Variants in PTPN13 observed in about 807,000 individuals in gnomAD.
PTPN13 encodes tyrosine-protein phosphatase non-receptor type 13.
PTPN13 carries 191 observed loss-of-function variants against 284.0 expected under a neutral mutation model. The observed-to-expected ratio is 0.67, with a 90% confidence interval of 0.60 to 0.76. The LOEUF is 0.76. Ranked by LOEUF, PTPN13 falls within the 30% of genes least tolerant of loss-of-function variation. PTPN13 has a pLI of 0.00. For missense variants in PTPN13, 2,797 were observed against 2,939.9 expected, an observed-to-expected ratio of 0.95 and a Z score of 1.12; for synonymous variants, 986 against 1,022.3, an observed-to-expected ratio of 0.96 and a Z score of 0.68.
chr4:86,754,920 C>T (rs1737798802), intron 20 of PTPN13, among the ~76,000 whole-genome samples: 1 of 151,990 alleles, frequency 6.6e-6, no homozygotes, highest in Non-Finnish European at 1.5e-5. Context: ...GCTATATTTT[C>T]TTCAAAACGC....
intron 37 of PTPN13, among the ~76,000 whole-genome samples, chr4:86,783,281 G>T (rs1307182637): frequency 2.6e-5 from 4 of 152,296 alleles, no homozygotes; most frequent in Middle Eastern, 3.4e-3. Context: ...TTATTTGTAT[G>T]TGTTGAAATT....
At chr4:86,708,650 A>G (rs1175719337) in intron 7 of PTPN13, among the ~76,000 whole-genome samples, 3 of 152,146 alleles carry the variant, frequency 2.0e-5, no homozygotes, top group African/African-American at 4.8e-5. Context: ...TCTTACTAAC[A>G]ATAGGTATCA....
intron 1 of PTPN13, among the ~76,000 whole-genome samples, chr4:86,601,298 C>T (rs74776907): frequency 1.9e-4 from 29 of 152,020 alleles, no homozygotes; most frequent in Admixed American, 3.3e-4. Context: ...TGTAGCTATA[C>T]CATTTACTTG....
chr4:86,673,738 C>T (rs777564837), intron 3 of PTPN13, among the ~76,000 whole-genome samples: 12 of 152,188 alleles, frequency 7.9e-5, no homozygotes, highest in South Asian at 2.1e-4. Context: ...GACGGAGTCT[C>T]GTTTCTTTGC....
In PTPN13 at chr4:86,752,955, A is replaced by C; in HGVS notation, c.3167-54A>C. The stretch of plus-strand genomic sequence containing the variant: ...GAGCTTATCAGAAGAAATCACTTCG[A>C]TATCTAGCATCTGACCATCTTATGA... On this transcript the variant is annotated intron_variant, in intron 19 of 47. Transcript: ENST00000411767. 2.3e-6 allele frequency: 3 copies of C among 1,300,178 alleles called. No homozygotes were observed. The Middle Eastern group carries it at 5.7e-4, about 245-fold the overall frequency. The allele number at this position is 1,300,178 out of a possible 1,614,324, so 80.5% of individuals were successfully genotyped here.
chr4:86,680,633 T>A (rs1728801632), intron 3 of PTPN13, among the ~76,000 whole-genome samples: 2 of 152,162 alleles, frequency 1.3e-5, no homozygotes, highest in African/African-American at 4.8e-5. Context: ...TTAATACCCC[T>A]GATCATGAGG....
chr4:86,753,040 AT>A lies in PTPN13; in HGVS notation c.3199del (p.Ser1067ProfsTer5). The A allele has an allele frequency of 1.2e-6, 2 of 1,608,516 alleles. No homozygotes were observed. Among genetic ancestry groups the A allele is most frequent in the Non-Finnish European group, 1.7e-6 (2 of 1,176,040 alleles). On this transcript the variant is annotated frameshift_variant, in exon 20 of 48. Coordinates refer to ENST00000411767, the MANE Select transcript of PTPN13 (RefSeq NM_080683.3). LOFTEE classifies it high-confidence loss of function. ...MTMHSSGNSSSQVPLKENDVL... is the reference protein window; with the variant it reads ...MTMHSSGNSSXQVPLKENDVL... The stretch of plus-strand genomic sequence containing the variant: ...CTATGCATAGTTCTGGAAACTCTTC[AT>A]CCCAAGTACCCTTAAAAGAAAATGG...
intron 14 of PTPN13, 139 bp downstream of exon 14, chr4:86,735,014 A>C (rs1735345235): frequency 2.2e-6 from 2 of 923,172 alleles, no homozygotes; most frequent in Non-Finnish European, 3.2e-6. Context: ...CAGAATGACC[A>C]AGCACTCCAT....
intron 1 of PTPN13, among the ~76,000 whole-genome samples, chr4:86,596,366 G>A (rs569812377): frequency 4.6e-5 from 7 of 152,290 alleles, no homozygotes; most frequent in African/African-American, 1.7e-4. Flanking sequence ...GTGATTACCA[G>A]CATCCAAAAA....
At chr4:86,614,439 A>C (rs1285621436) in intron 1 of PTPN13, among the ~76,000 whole-genome samples, 1 of 152,130 alleles carries the variant, frequency 6.6e-6, no homozygotes, top group Non-Finnish European at 1.5e-5. Flanking sequence ...TTTTTTTACT[A>C]TAAAAAATTT....
At chr4:86,773,781 G>C (rs1448573253) in intron 32 of PTPN13, among the ~76,000 whole-genome samples, 1 of 151,748 alleles carries the variant, frequency 6.6e-6, no homozygotes, top group Non-Finnish European at 1.5e-5. Flanking sequence ...CTTAGCAATA[G>C]AGTAAAAATA....
rs1209704904 is a variant in PTPN13 at position 86,769,763 on chromosome 4, C to A, written c.4490-6C>A. ...ATCTAAATTTTTTTTATATCTTTTT[C>A]TCCAGAAAATACATTTGAGGTAAAA... is the stretch of plus-strand genomic sequence containing the variant. On this transcript the variant is annotated splice_polypyrimidine_tract_variant and splice_region_variant and intron_variant, in intron 28 of 47. Coordinates refer to ENST00000411767, the MANE Select transcript of PTPN13 (RefSeq NM_080683.3). 6.4e-7 allele frequency: 1 copy of A among 1,555,822 alleles called. No individual in the cohort carries two copies.
intron 10 of PTPN13, among the ~76,000 whole-genome samples, chr4:86,728,642 CCTTTTTTTTT>C (rs1193688850): frequency 2.1e-4 from 12 of 56,164 alleles, no homozygotes; most frequent in Middle Eastern, 0.013. Context: ...GCAACCCCTG[CCTTTTTTTTT>C]TTTTTTTTTT....
intron 1 of PTPN13, among the ~76,000 whole-genome samples, chr4:86,619,657 G>A (rs1291644748): frequency 6.6e-6 from 1 of 152,108 alleles, no homozygotes; most frequent in African/African-American, 2.4e-5. Context: ...TTTGGCTTAA[G>A]GTAGAGCTTT....
intron 7 of PTPN13, among the ~76,000 whole-genome samples, chr4:86,708,155 GGAACT>G: frequency 6.6e-6 from 1 of 152,248 alleles, no homozygotes; most frequent in African/African-American, 2.4e-5. Flanking sequence ...GTGCAACTGA[GGAACT>G]GAATATTTTA....
chr4:86,772,390 C>A (rs1740098158), intron 31 of PTPN13, among the ~76,000 whole-genome samples: 2 of 152,040 alleles, frequency 1.3e-5, no homozygotes, highest in South Asian at 4.1e-4. Flanking sequence ...CCCATCTCTA[C>A]TAAAAATACA....
At chr4:86,617,905 G>A (rs1179652775) in intron 1 of PTPN13, among the ~76,000 whole-genome samples, 2 of 151,270 alleles carry the variant, frequency 1.3e-5, no homozygotes, top group Non-Finnish European at 3.0e-5. Context: ...AGTTTCTTTT[G>A]CTGTGCAGAA....
intron 1 of PTPN13, among the ~76,000 whole-genome samples, chr4:86,616,546 G>T (rs1273213176): frequency 6.6e-6 from 1 of 151,950 alleles, no homozygotes; most frequent in African/African-American, 2.4e-5. Context: ...GTGGGGCCAT[G>T]GGGGGTGGGT....
At chr4:86,751,978 C>T (rs765774587) in intron 19 of PTPN13, among the ~76,000 whole-genome samples, 1 of 151,822 alleles carries the variant, frequency 6.6e-6, no homozygotes, top group Non-Finnish European at 1.5e-5. Flanking sequence ...TATATATATG[C>T]ACCTTTTAAG....
Sources: allele counts gnomAD v4.1 joint callset (sites outside exome capture counted in the v4.1 genomes callset), GRCh38; gene constraint gnomAD v4.1.1; transcripts MANE v1.5; gene names NCBI Gene and HGNC (gene_info 2026-07-23, HGNC 2026-07-21).